Variants in BARX2 observed in about 807,000 individuals in gnomAD.
BARX2 encodes the protein BARX homeobox 2, also known as homeobox protein BarH-like 2.
A neutral mutation model predicts 25.5 loss-of-function variants in BARX2; 11 were observed. The observed-to-expected ratio is 0.43, with a 90% confidence interval of 0.27 to 0.71. The LOEUF (loss-of-function observed/expected upper bound fraction) is 0.71. BARX2 is among the 30% of genes least tolerant of loss of function. BARX2 has a pLI of 0.19. For missense variants in BARX2, 360 were observed against 359.9 expected (o/e 1.00, Z 0.00); for synonymous variants, 137 against 149.5 (o/e 0.92, Z 0.61).
chr11:129,384,073 C>T (rs1861595395), intron 1 of BARX2, among the ~76,000 whole-genome samples: 1 of 152,018 alleles, frequency 6.6e-6, no homozygotes, highest in Non-Finnish European at 1.5e-5. Flanking sequence ...GGAGTTTCAC[C>T]ATGTTGGCCA....
intron 1 of BARX2, among the ~76,000 whole-genome samples, chr11:129,398,231 CTCTTCA>C (rs1861742032): frequency 6.6e-6 from 1 of 152,136 alleles, no homozygotes; most frequent in African/African-American, 2.4e-5. Context: ...TTGTTTTCTT[CTCTTCA>C]TCATTGCTGC....
intron 1 of BARX2, among the ~76,000 whole-genome samples, chr11:129,423,778 G>A (rs1862034399): frequency 1.3e-5 from 2 of 151,964 alleles, no homozygotes; most frequent in South Asian, 2.1e-4. Context: ...CTCTTCTATT[G>A]ATGATTTCCT....
In BARX2 at chr11:129,392,698, CTT is replaced by C. The variant is rs767476857; in HGVS notation, c.187+16478_187+16479del. 1.1e-4 allele frequency among the ~76,000 whole-genome samples: 16 copies of C among 151,924 alleles called. 1 individual carries two copies. The highest frequency in any genetic ancestry group is 4.6e-4 in the Admixed American group (7 of 15,254). On this transcript the variant is annotated intron_variant, in intron 1 of 3. Coordinates refer to ENST00000281437, the MANE Select transcript of BARX2 (RefSeq NM_003658.5). ...ATGATCTCGGCCCACTGCAGCCTCTCTTTCCTGGGTGCAAGCAATTCTTGGGC... is the reference window on the plus strand; with the variant it reads ...ATGATCTCGGCCCACTGCAGCCTCTCTCCTGGGTGCAAGCAATTCTTGGGC...
At chr11:129,420,817 G>A (rs954718037) in intron 1 of BARX2, among the ~76,000 whole-genome samples, 1 of 152,224 alleles carries the variant, frequency 6.6e-6, no homozygotes, top group Non-Finnish European at 1.5e-5. Context: ...AACACTGTGG[G>A]AGATAGAAGT....
chr11:129,437,544 A>C, intron 2 of BARX2: 2 of 980,884 alleles, frequency 2.0e-6, no homozygotes, highest in Non-Finnish European at 2.4e-6. Context: ...GAGGTCAGAC[A>C]TGTTAGTGAA....
rs1033107157 is a variant in BARX2, at chr11:129,436,622, T to G, written c.188-129T>G. 10 of 1,021,654 alleles carry G rather than the reference T, an allele frequency of 9.8e-6. No homozygotes were observed. The Admixed American group carries it at 2.4e-4, about 24-fold the overall frequency. The allele number at this position is 1,021,654 out of a possible 1,614,324, so 63.3% of individuals were successfully genotyped here. A position where few individuals can be genotyped will look rare whatever the true frequency, so the allele number is the denominator to read the frequency against. On this transcript the variant is annotated intron_variant, in intron 1 of 3. Transcript: ENST00000281437. The surrounding 1 kb of genome is among the most constrained non-coding windows in gnomAD (Gnocchi z 4.5). ...TTGAGTTACCTCTCCTTCCCCTTCC[T>G]CCATCTGTACCTCCTTAAGAGCAGG... is the stretch of plus-strand genomic sequence containing the variant.
At chr11:129,402,434 A>G (rs1861786817) in intron 1 of BARX2, among the ~76,000 whole-genome samples, 1 of 152,216 alleles carries the variant, frequency 6.6e-6, no homozygotes, top group Non-Finnish European at 1.5e-5. Context: ...TAAGCATCCA[A>G]CAGCTGTTTG....
chr11:129,384,245 A>T (rs76162667), intron 1 of BARX2, among the ~76,000 whole-genome samples: 2,281 of 144,812 alleles, frequency 0.016, 18 homozygotes, highest in South Asian at 0.033. Flanking sequence ...TTTTTTTTTT[A>T]AAAAACCAAC....
At chr11:129,409,187 A>G (rs1861862272) in intron 1 of BARX2, among the ~76,000 whole-genome samples, 2 of 152,210 alleles carry the variant, frequency 1.3e-5, no homozygotes, top group Non-Finnish European at 2.9e-5. Context: ...AAATGTCAGC[A>G]TGCTCTGAAA....
chr11:129,393,717 TTGAG>T lies in BARX2; in HGVS notation c.187+17497_187+17500del, dbSNP rs1245572109. ...TGTTAATATTTTTAAAAATTAAATA[TTGAG>T]TAAGGAAAATGTTTATAAAATATAT... On this transcript the variant is annotated intron_variant, in intron 1 of 3. Transcript: ENST00000281437. Among the ~76,000 whole-genome samples, 4 of 152,272 alleles carry T rather than the reference TTGAG, an allele frequency of 2.6e-5. No homozygotes were observed. The Middle Eastern group carries it at 0.01, about 391-fold the overall frequency.
In BARX2 at chr11:129,376,128, C is replaced by T. The variant is rs753930267; in HGVS notation, c.93C>T (p.Leu31=). ...AGACTTTCATGATCGACGAGATCCTCTCCAAGGAGACCTGCGATTACTTTG... is the reference window on the plus strand; with the variant it reads ...AGACTTTCATGATCGACGAGATCCTTTCCAAGGAGACCTGCGATTACTTTG... ...RYKTFMIDEI[L]SKETCDYFEK... is the part of the protein sequence containing the mutation. Residue 31 remains leucine (L), a synonymous_variant, in exon 1 of 4, where the codon CTC becomes CTT. Coordinates refer to ENST00000281437, the MANE Select transcript of BARX2 (RefSeq NM_003658.5). The surrounding 1 kb of genome is among the most constrained non-coding windows in gnomAD (Gnocchi z 4.2). 9 of 1,613,652 alleles carry T rather than the reference C, an allele frequency of 5.6e-6. No individual in the cohort carries two copies. In the East Asian group the frequency reaches 2.0e-4, roughly 36 times the overall value.
chr11:129,443,180 G>GTTTTATTATTATACTTAAGTTC (rs1249692886), intron 3 of BARX2, among the ~76,000 whole-genome samples: 1 of 152,090 alleles, frequency 6.6e-6, no homozygotes, highest in East Asian at 1.9e-4. Context: ...TAACTTGCTA[G>GTTTTATTATTATACTTAAGTTC]TTTTATTATT....
At chr11:129,396,428 G>A (rs1327740378) in intron 1 of BARX2, among the ~76,000 whole-genome samples, 1 of 150,566 alleles carries the variant, frequency 6.6e-6, no homozygotes. Flanking sequence ...ATAATATGCA[G>A]TTTGTCACAC....
At position 129,390,279 on chromosome 11, in the gene BARX2, A is replaced by G. The variant is rs1360918571; in HGVS notation, c.187+14057A>G. Among the ~76,000 whole-genome samples, 2 of 152,140 alleles carry G rather than the reference A, an allele frequency of 1.3e-5. No homozygotes were observed. The highest frequency in any genetic ancestry group is 4.8e-5 in the African/African-American group (2 of 41,436). The stretch of plus-strand genomic sequence containing the variant: ...GTGGGTGGGGGCCAAGTGGGATAAG[A>G]CAGGTGGATGTGTCATCACCACTGA... On this transcript the variant is annotated intron_variant, in intron 1 of 3. Transcript: ENST00000281437. The surrounding 1 kb of genome is among the most constrained non-coding windows in gnomAD (Gnocchi z 4.3).
At chr11:129,445,942 C>G (rs924137741) in intron 3 of BARX2, among the ~76,000 whole-genome samples, 1 of 152,126 alleles carries the variant, frequency 6.6e-6, no homozygotes, top group Non-Finnish European at 1.5e-5. Flanking sequence ...AAAGATGTCT[C>G]AAGGCTAGTA....
intron 1 of BARX2, among the ~76,000 whole-genome samples, chr11:129,424,151 C>T (rs573932722): frequency 1.3e-5 from 2 of 152,188 alleles, no homozygotes; most frequent in African/African-American, 4.8e-5. Flanking sequence ...CCCAGTCCAT[C>T]CTCTTGTTTC....
intron 1 of BARX2, among the ~76,000 whole-genome samples, chr11:129,402,955 C>G (rs1159875472): frequency 6.6e-6 from 1 of 152,238 alleles, no homozygotes; most frequent in Non-Finnish European, 1.5e-5. Context: ...AAACAGCACA[C>G]AGTGAAGAAG....
chr11:129,427,968 C>G (rs902354185), intron 1 of BARX2, among the ~76,000 whole-genome samples: 3 of 152,236 alleles, frequency 2.0e-5, no homozygotes, highest in Non-Finnish European at 4.4e-5. Flanking sequence ...ACCAACCACT[C>G]ATGTACTCAG....
chr11:129,442,803 C>T (rs771352228), intron 2 of BARX2, 32 bp from the exon 3 acceptor site: 1 of 1,581,102 alleles, frequency 6.3e-7, no homozygotes, highest in Non-Finnish European at 8.7e-7. Context: ...TCCCATTCTG[C>T]TCACCTTTCC....
Sources: allele counts gnomAD v4.1 joint callset (sites outside exome capture counted in the v4.1 genomes callset), GRCh38; gene constraint gnomAD v4.1.1; non-coding constraint Gnocchi (gnomAD v3.1); transcripts MANE v1.5; gene names NCBI Gene and HGNC (gene_info 2026-07-23, HGNC 2026-07-21).